The following SOX5 variants were observed in gnomAD, a reference collection of about 807,000 sequenced individuals.
The protein encoded by SOX5 is transcription factor SOX-5.
SOX5 carries 9 observed loss-of-function variants against 92.0 expected under a neutral mutation model. That is an observed-to-expected ratio of 0.10 (90% confidence interval 0.06 to 0.17). SOX5 has a LOEUF of 0.17. Among genes scored for constraint, SOX5 ranks in the 10% least tolerant of loss-of-function variants. The pLI is 1.00. For missense variants in SOX5, 642 were observed against 944.5 expected (o/e 0.68, Z 4.20); for synonymous variants, 344 against 336.3 (o/e 1.02, Z -0.25).
intron 1 of SOX5, among the ~76,000 whole-genome samples, chr12:24,493,486 TTAA>T (rs1426009049): frequency 6.6e-6 from 1 of 152,176 alleles, no homozygotes; most frequent in East Asian, 1.9e-4. Flanking sequence ...ATGTAAAATG[TTAA>T]TAATAGAGAA....
intron 4 of SOX5, among the ~76,000 whole-genome samples, chr12:23,998,252 T>C (rs1951227517): frequency 2.6e-5 from 4 of 152,000 alleles, no homozygotes; most frequent in African/African-American, 4.8e-5. Flanking sequence ...ATAAAATTAC[T>C]GAAAAAAATA....
At chr12:23,986,719 G>T (rs1304098505) in intron 4 of SOX5, among the ~76,000 whole-genome samples, 3 of 152,142 alleles carry the variant, frequency 2.0e-5, no homozygotes, top group African/African-American at 7.2e-5. Flanking sequence ...AGTAGGGGTT[G>T]TACCAGATTT....
chr12:23,912,372 T>C (rs1349260218), intron 1 of SOX5, among the ~76,000 whole-genome samples: 2 of 152,208 alleles, frequency 1.3e-5, no homozygotes, highest in East Asian at 3.9e-4. Context: ...AAGATGTGGA[T>C]AAATTGGAAC....
Position 24,313,777 on chromosome 12 carries a change from C to G in SOX5, c.-173-36465G>C, listed in dbSNP as rs374130002. ...CACACTCACTTCCTTACTCATGAAC[C>G]CCAATTTATATTTATTTTTAGCCCA... On this transcript the variant is annotated intron_variant, in intron 2 of 4. Transcript: ENST00000446891. Among the ~76,000 whole-genome samples the G allele has an allele frequency of 2.4e-4, 37 of 152,276 alleles. 1 individual carries two copies. The East Asian group carries it at 6.4e-3, about 26-fold the overall frequency.
chr12:24,482,823 G>A (rs1030233503), intron 1 of SOX5, among the ~76,000 whole-genome samples: 6 of 152,160 alleles, frequency 3.9e-5, no homozygotes, highest in Non-Finnish European at 8.8e-5. Flanking sequence ...GTAAATAAGA[G>A]TATTGTGAAT....
intron 3 of SOX5, among the ~76,000 whole-genome samples, chr12:23,787,761 T>C (rs1466658239): frequency 1.3e-5 from 2 of 151,896 alleles, no homozygotes; most frequent in Non-Finnish European, 2.9e-5. Context: ...TATAGGTTGA[T>C]TAAAAAACTA....
intron 4 of SOX5, among the ~76,000 whole-genome samples, chr12:23,982,105 A>G (rs1206920364): frequency 6.6e-6 from 1 of 152,232 alleles, no homozygotes; most frequent in East Asian, 1.9e-4. Flanking sequence ...GGAATTGGGC[A>G]CGAACGAACA....
chr12:23,680,590 A>T (rs2086457834), intron 6 of SOX5, among the ~76,000 whole-genome samples: 1 of 151,992 alleles, frequency 6.6e-6, no homozygotes, highest in African/African-American at 2.4e-5. Flanking sequence ...GGAAGGCAAT[A>T]TTCTAAAAAT....
chr12:24,364,799 G>T (rs1391349929), intron 2 of SOX5, among the ~76,000 whole-genome samples: 2 of 151,956 alleles, frequency 1.3e-5, no homozygotes, highest in African/African-American at 4.8e-5. Flanking sequence ...CTAGAAAGGA[G>T]AACAAAACAA....
intron 10 of SOX5, among the ~76,000 whole-genome samples, chr12:23,572,300 C>T (rs952936999): frequency 6.6e-6 from 1 of 152,190 alleles, no homozygotes; most frequent in Non-Finnish European, 1.5e-5. Context: ...ACCTTTACAA[C>T]ACCATTAATC....
upstream of SOX5, among the ~76,000 whole-genome samples, chr12:23,954,743 T>C (rs1367888710): frequency 6.6e-6 from 1 of 152,030 alleles, no homozygotes; most frequent in Admixed American, 6.5e-5. Context: ...CTCTTTCTAT[T>C]GTCAGTTGGT....
At chr12:24,136,297 G>A (rs372954090) in intron 4 of SOX5, among the ~76,000 whole-genome samples, 3 of 152,200 alleles carry the variant, frequency 2.0e-5, no homozygotes. Flanking sequence ...AGAGTCATGG[G>A]TTTTCATTCC....
At chr12:23,657,199 G>A (rs570466085) in intron 7 of SOX5, among the ~76,000 whole-genome samples, 12 of 152,072 alleles carry the variant, frequency 7.9e-5, no homozygotes, top group Admixed American at 2.0e-4. Context: ...GTGGAAAGCC[G>A]TAAAATCAAT....
In SOX5 at chr12:24,442,947, A is replaced by C. The variant is rs575747561; in HGVS notation, c.-250-74308T>G. ...TTGAGCTTTGTAAATTTAAGTTTAT[A>C]ATTTTTTTTTTTTTTTTTTTTTTGA... On this transcript the variant is annotated intron_variant, in intron 1 of 4. Transcript: ENST00000446891. 3.5e-5 allele frequency among the ~76,000 whole-genome samples: 4 copies of C among 115,604 alleles called. No individual in the cohort carries two copies. The East Asian group carries it at 1.0e-3, about 29-fold the overall frequency. The allele number at this position is 115,604 out of a possible 152,430, so 75.8% of individuals were successfully genotyped here.
At chr12:23,545,540 T>C (rs1345466660) in intron 12 of SOX5, among the ~76,000 whole-genome samples, 1 of 152,196 alleles carries the variant, frequency 6.6e-6, no homozygotes, top group African/African-American at 2.4e-5. Flanking sequence ...GCTGTGCAGC[T>C]GGTTTCTAGT....
intron 2 of SOX5, among the ~76,000 whole-genome samples, chr12:23,876,886 A>G (rs2096933301): frequency 6.6e-6 from 1 of 152,156 alleles, no homozygotes; most frequent in Admixed American, 6.5e-5. Flanking sequence ...CAGCAAACTA[A>G]CACAGAAACA....
At chr12:24,079,151 G>GA (rs1053674755) in intron 4 of SOX5, among the ~76,000 whole-genome samples, 1 of 143,860 alleles carries the variant, frequency 7.0e-6, no homozygotes, top group Non-Finnish European at 1.5e-5. Flanking sequence ...TAAATTAAGA[G>GA]AAAAAAAAGT....
intron 6 of SOX5, among the ~76,000 whole-genome samples, chr12:23,710,482 C>A (rs2091937912): frequency 1.3e-5 from 2 of 152,094 alleles, no homozygotes; most frequent in African/African-American, 4.8e-5. Flanking sequence ...TGAGTGAGAA[C>A]ATGTGGTGTC....
At chr12:24,230,518 G>A (rs1963157388) in intron 3 of SOX5, 1 of 152,092 alleles carries the variant, frequency 6.6e-6, no homozygotes, top group Non-Finnish European at 1.5e-5. Flanking sequence ...TTGTACCCCA[G>A]CTTAGTGTTA....
Sources: gnomAD v4.1 joint callset for allele counts (sites outside exome capture counted in the v4.1 genomes callset) on GRCh38, gnomAD v4.1.1 for gene constraint, MANE v1.5 for transcripts, NCBI Gene and HGNC (gene_info 2026-07-23, HGNC 2026-07-21) for gene names.